The following AGMO variants were observed in gnomAD, a reference collection of about 807,000 sequenced individuals.
The protein encoded by AGMO is alkylglycerol monooxygenase.
In AGMO, 75 loss-of-function variants were observed where a neutral mutation model predicts 60.2. The ratio of observed to expected loss-of-function variants is 1.25; its 90% CI spans 1.03 to 1.51. The LOEUF (loss-of-function observed/expected upper bound fraction) is 1.51. Among genes scored for constraint, AGMO ranks in the 40% most tolerant of loss-of-function variants. The pLI, the probability that AGMO is intolerant of heterozygous loss-of-function variation, is 0.00. For synonymous variants in AGMO, 261 were observed against 177.1 expected (o/e 1.47, Z -3.76); for missense variants, 763 against 525.5 (o/e 1.45, Z -4.42).
At chr7:15,384,587 A>C (rs1477847323) in intron 10 of AGMO, among the ~76,000 whole-genome samples, 1 of 152,246 alleles carries the variant, frequency 6.6e-6, no homozygotes, top group South Asian at 2.1e-4. Context: ...TATTATTCAG[A>C]GTTACCATGT....
chr7:15,387,973 C>A (rs1192561086), intron 8 of AGMO, among the ~76,000 whole-genome samples: 1 of 147,278 alleles, frequency 6.8e-6, no homozygotes, highest in Non-Finnish European at 1.5e-5. Flanking sequence ...AGTGGAGCGG[C>A]TTTGGCTCAC....
rs541580458 is a variant in AGMO at position 15,203,236 on chromosome 7, A to G, written c.1264-1877T>C. Among the ~76,000 whole-genome samples the G allele has an allele frequency of 2.0e-5, 3 of 152,226 alleles. 1 individual carries two copies. In the South Asian group the frequency reaches 6.2e-4, roughly 32 times the overall value. On this transcript the variant is annotated intron_variant, in intron 12 of 12. Transcript: ENST00000342526. ...ATTCCCCTAGACTATCCATACTTTCATCTCGACTTCCAGTACTATTAAAAA... is the reference window on the plus strand; with the variant it reads ...ATTCCCCTAGACTATCCATACTTTCGTCTCGACTTCCAGTACTATTAAAAA...
At chr7:15,223,825 G>C (rs981534836) in intron 12 of AGMO, among the ~76,000 whole-genome samples, 1 of 151,148 alleles carries the variant, frequency 6.6e-6, no homozygotes, top group Non-Finnish European at 1.5e-5. Context: ...GAATTATCTT[G>C]ATCTATACAA....
At chr7:15,481,313 T>C (rs76254238) in intron 3 of AGMO, among the ~76,000 whole-genome samples, 8,643 of 152,162 alleles carry the variant, frequency 0.057, 350 homozygotes, top group African/African-American at 0.11. Context: ...GAAAGGACTC[T>C]GAGAACACTT....
At chr7:15,383,858 A>C (rs867097807) in intron 10 of AGMO, among the ~76,000 whole-genome samples, 2 of 152,056 alleles carry the variant, frequency 1.3e-5, no homozygotes, top group African/African-American at 4.8e-5. Context: ...TCTGAAGATA[A>C]CATCTCTTCC....
At chr7:15,556,797 C>A (rs754015036) in intron 2 of AGMO, among the ~76,000 whole-genome samples, 1 of 151,948 alleles carries the variant, frequency 6.6e-6, no homozygotes, top group Non-Finnish European at 1.5e-5. Flanking sequence ...TTGTTAGAAA[C>A]GCAGATTATC....
At chr7:15,507,320 T>G (rs1562542117) in intron 3 of AGMO, among the ~76,000 whole-genome samples, 1 of 151,960 alleles carries the variant, frequency 6.6e-6, no homozygotes, top group Non-Finnish European at 1.5e-5. Flanking sequence ...AAAAAAGGAA[T>G]GCACAACAGT....
At chr7:15,354,454 ATACACACGTGTGTGTATACACACG>A (rs1782420501) in intron 12 of AGMO, among the ~76,000 whole-genome samples, 1 of 20,290 alleles carries the variant, frequency 4.9e-5, no homozygotes, top group African/African-American at 3.1e-4. Flanking sequence ...ACGTGTGTGT[ATACACACGTGTGTGTATACACACG>A]TGTGTATATA....
Position 15,365,590 on chromosome 7 carries a change from C to G in AGMO, c.1187G>C (p.Arg396Pro). 3 of 1,612,456 alleles carry G rather than the reference C, an allele frequency of 1.9e-6. No homozygotes were observed. Among genetic ancestry groups the G allele is most frequent in the Non-Finnish European group, 1.7e-6 (2 of 1,178,922 alleles). Reference sequence around the variant, plus strand: ...GTACAGCATTAAGAACATCAAGCAACGGAGAGTTTCCATAATAGCTGCCTT... The same window carrying G: ...GTACAGCATTAAGAACATCAAGCAAGGGAGAGTTTCCATAATAGCTGCCTT... ...RPKAAIMETL[R>P]CLMFLMLYRF... Residue 396 changes from arginine to proline, a missense_variant, in exon 12 of 13, where the codon CGT becomes CCT. By Grantham distance (103) the Arg-to-Pro change is moderately radical (BLOSUM62 -2). Transcript: ENST00000342526.
intron 12 of AGMO, among the ~76,000 whole-genome samples, chr7:15,355,613 G>A (rs1782500399): frequency 6.6e-6 from 1 of 151,802 alleles, no homozygotes; most frequent in African/African-American, 2.4e-5. Context: ...CTCCCCAGGA[G>A]TTGTACAAAT....
intron 4 of AGMO, among the ~76,000 whole-genome samples, chr7:15,425,378 TTAA>T (rs1781032043): frequency 1.3e-5 from 2 of 152,140 alleles, no homozygotes; most frequent in South Asian, 2.1e-4. Flanking sequence ...AATAATGTTA[TTAA>T]TGAGATTTTC....
chr7:15,230,687 T>A (rs1782233962), intron 12 of AGMO, among the ~76,000 whole-genome samples: 1 of 152,166 alleles, frequency 6.6e-6, no homozygotes, highest in African/African-American at 2.4e-5. Flanking sequence ...AACCTCCTTA[T>A]AAGGGAAAGA....
At chr7:15,262,089 T>C (rs1300724650) in intron 12 of AGMO, among the ~76,000 whole-genome samples, 3 of 151,094 alleles carry the variant, frequency 2.0e-5, no homozygotes, top group Admixed American at 6.6e-5. Flanking sequence ...AGAATGTCCA[T>C]TGTCACTACT....
At chr7:15,437,127 A>T (rs1781424343) in intron 3 of AGMO, among the ~76,000 whole-genome samples, 1 of 152,196 alleles carries the variant, frequency 6.6e-6, no homozygotes, top group South Asian at 2.1e-4. Flanking sequence ...ACCAAACTAA[A>T]GTCTAACTAA....
intron 5 of AGMO, among the ~76,000 whole-genome samples, chr7:15,397,429 G>A (rs978239128): frequency 6.6e-6 from 1 of 152,008 alleles, no homozygotes; most frequent in Non-Finnish European, 1.5e-5. Context: ...CTCCGGCCTC[G>A]GCCAGCCCCA....
At chr7:15,149,445 G>A in the AGMO span, among the ~76,000 whole-genome samples, 8 of 152,158 alleles carry the variant, frequency 5.3e-5, no homozygotes, top group Non-Finnish European at 2.9e-5. Flanking sequence ...TTATATAGTT[G>A]TAGGTCTTAC....
chr7:15,216,775 T>C (rs1392102584), intron 12 of AGMO, among the ~76,000 whole-genome samples: 3 of 151,910 alleles, frequency 2.0e-5, no homozygotes, highest in East Asian at 1.9e-4. Flanking sequence ...GATCAACACA[T>C]ATCAATTGAG....
intron 12 of AGMO, among the ~76,000 whole-genome samples, chr7:15,243,100 A>G (rs1417091081): frequency 1.3e-5 from 2 of 152,004 alleles, no homozygotes; most frequent in Non-Finnish European, 2.9e-5. Flanking sequence ...GAATTTAGAT[A>G]CTGAAAATAT....
intron 3 of AGMO, among the ~76,000 whole-genome samples, chr7:15,456,444 G>C (rs1657445701): frequency 6.6e-6 from 1 of 152,044 alleles, no homozygotes; most frequent in South Asian, 2.1e-4. Flanking sequence ...AGAATGATTA[G>C]AATTTTTCAG....
Sources: allele counts gnomAD v4.1 joint callset (sites outside exome capture counted in the v4.1 genomes callset), GRCh38; gene constraint gnomAD v4.1.1; transcripts MANE v1.5; gene names NCBI Gene and HGNC (gene_info 2026-07-23, HGNC 2026-07-21).